The following CSMD1 variants were observed in gnomAD, a reference collection of about 807,000 sequenced individuals.
CSMD1 encodes the protein CUB and sushi domain-containing protein 1.
CSMD1 carries 213 observed loss-of-function variants against 417.5 expected under a neutral mutation model. The ratio of observed to expected loss-of-function variants is 0.51; its 90% confidence interval spans 0.46 to 0.57. The LOEUF (loss-of-function observed/expected upper bound fraction) is 0.57, where lower values mean the gene tolerates loss of function less well. Among genes scored for constraint, CSMD1 ranks in the 20% least tolerant of loss-of-function variants. The probability of loss-of-function intolerance (pLI) is 0.00; values close to 1 mark genes in which losing one functional copy is unlikely to be tolerated. For synonymous variants in CSMD1, 2,862 were observed against 1,736.8 expected (o/e 1.65, Z -16.11); for missense variants, 6,923 against 4,529.7 (o/e 1.53, Z -15.17).
intron 3 of CSMD1, among the ~76,000 whole-genome samples, chr8:4,381,502 G>C (rs557592653): frequency 6.6e-6 from 1 of 152,242 alleles, no homozygotes; most frequent in East Asian, 1.9e-4. Flanking sequence ...CCTATAATTT[G>C]GACAAAACAA....
intron 2 of CSMD1, among the ~76,000 whole-genome samples, chr8:4,522,662 C>G (rs921829010): frequency 6.6e-6 from 1 of 152,094 alleles, no homozygotes; most frequent in Non-Finnish European, 1.5e-5. Flanking sequence ...CTTCTCTGTC[C>G]GCAGCCCGTC....
In CSMD1 at chr8:3,678,595, C is replaced by G. The variant is rs1057192655; in HGVS notation, c.1009+29819G>C. Among the ~76,000 whole-genome samples, 64 of 152,212 alleles carry G rather than the reference C, an allele frequency of 4.2e-4. 1 individual carries two copies. Among genetic ancestry groups the G allele is most frequent in the African/African-American group, 1.5e-3 (62 of 41,540 alleles). ...CTGAGAGTGACGGGGAGAATGGAAA[C>G]AAGTTGGAAAACACTCTGCAGGACA... On this transcript the variant is annotated intron_variant, in intron 7 of 69. Transcript: ENST00000635120.
chr8:4,029,641 T>C (rs72624006), intron 4 of CSMD1, among the ~76,000 whole-genome samples: 22,233 of 152,052 alleles, frequency 0.15, 2,283 homozygotes, highest in East Asian at 0.36. Context: ...AGCCAAACCA[T>C]ATCATTTCGC....
chr8:3,503,288 G>C (rs922325219), intron 10 of CSMD1, among the ~76,000 whole-genome samples: 2 of 152,188 alleles, frequency 1.3e-5, no homozygotes, highest in African/African-American at 2.4e-5. Flanking sequence ...TAAACACTAG[G>C]AGTCTCTTAT....
chr8:4,575,259 G>GATCATT (rs1163907857), intron 2 of CSMD1, among the ~76,000 whole-genome samples: 2 of 152,154 alleles, frequency 1.3e-5, no homozygotes, highest in Non-Finnish European at 2.9e-5. Context: ...AAAAGGTGGA[G>GATCATT]ATCATTCTCA....
At chr8:3,865,462 T>C (rs962761124) in intron 5 of CSMD1, among the ~76,000 whole-genome samples, 5 of 151,920 alleles carry the variant, frequency 3.3e-5, no homozygotes, top group Admixed American at 1.3e-4. Context: ...ACAGGTGCTC[T>C]TCAGAGATGG....
At chr8:3,272,525 A>T (rs1801943417) in intron 26 of CSMD1, among the ~76,000 whole-genome samples, 1 of 140,556 alleles carries the variant, frequency 7.1e-6, no homozygotes, top group Non-Finnish European at 1.6e-5. Flanking sequence ...TTTGGGCAGT[A>T]TGGCCATTTT....
intron 68 of CSMD1, among the ~76,000 whole-genome samples, chr8:2,945,223 T>C (rs584541): frequency 0.84 from 128,110 of 152,242 alleles, 54,060 homozygotes; most frequent in East Asian, 0.93. Context: ...CTTCCAACAA[T>C]GTACTCGTAA....
At chr8:3,617,643 T>C (rs556463785) in intron 7 of CSMD1, among the ~76,000 whole-genome samples, 1 of 152,154 alleles carries the variant, frequency 6.6e-6, no homozygotes, top group Non-Finnish European at 1.5e-5. Context: ...TGTAGAACTA[T>C]TGCTGCCATT....
At chr8:3,992,343 A>T (rs969017904) in intron 5 of CSMD1, among the ~76,000 whole-genome samples, 1 of 152,168 alleles carries the variant, frequency 6.6e-6, no homozygotes, top group African/African-American at 2.4e-5. Flanking sequence ...ACAGTTTTGT[A>T]ATCTTATTTT....
chr8:3,603,119 C>T (rs760890335), intron 8 of CSMD1, among the ~76,000 whole-genome samples: 18 of 152,226 alleles, frequency 1.2e-4, no homozygotes, highest in Admixed American at 7.9e-4. Context: ...GACATAAAGG[C>T]TTCAAGGAGT....
intron 1 of CSMD1, among the ~76,000 whole-genome samples, chr8:4,655,907 G>A (rs532324288): frequency 3.9e-5 from 6 of 152,258 alleles, no homozygotes; most frequent in African/African-American, 1.4e-4. Context: ...ACTGTCAACT[G>A]TGTGGACACT....
At position 4,086,790 on chromosome 8, in the gene CSMD1, T is replaced by C. The variant is rs190810047; in HGVS notation, c.416-54691A>G. Among the ~76,000 whole-genome samples, 28 of 152,348 alleles carry C rather than the reference T, an allele frequency of 1.8e-4. No individual in the cohort carries two copies. In the East Asian group the frequency reaches 3.3e-3, roughly 18 times the overall value. On this transcript the variant is annotated intron_variant, in intron 3 of 69. Transcript: ENST00000635120. ...TCTTTTTCAACTGAGTGAATGAACT[T>C]GTGAAACAAATTTCTTAGTCTGAGA...
At chr8:3,004,369 G>T (rs1047580195) in intron 52 of CSMD1, among the ~76,000 whole-genome samples, 1 of 152,156 alleles carries the variant, frequency 6.6e-6, no homozygotes, top group Non-Finnish European at 1.5e-5. Context: ...TTCTTGAGAA[G>T]TGTGTGTCAG....
At chr8:3,356,080 G>A (rs974186429) in intron 21 of CSMD1, among the ~76,000 whole-genome samples, 1 of 152,202 alleles carries the variant, frequency 6.6e-6, no homozygotes, top group Non-Finnish European at 1.5e-5. Context: ...ATGCTCACTA[G>A]AAATTCCATT....
At chr8:4,343,972 T>A (rs1800633274) in intron 3 of CSMD1, among the ~76,000 whole-genome samples, 1 of 152,146 alleles carries the variant, frequency 6.6e-6, no homozygotes, top group Non-Finnish European at 1.5e-5. Context: ...ATACAATAAA[T>A]TCTAGTAAAG....
Position 3,377,227 on chromosome 8 carries a change from G to A in CSMD1, c.2783-7857C>T, listed in dbSNP as rs193175256. 7.2e-5 allele frequency among the ~76,000 whole-genome samples: 11 copies of A among 152,206 alleles called. No homozygotes were observed. In the East Asian group the frequency reaches 1.7e-3, roughly 24 times the overall value. The stretch of plus-strand genomic sequence containing the variant: ...GGGTTTTACTGTGTTGCCCAGGCTG[G>A]CCTCGAACTCCTGGGCCTCAGCAAT... On this transcript the variant is annotated intron_variant, in intron 18 of 69. Transcript: ENST00000635120.
intron 1 of CSMD1, among the ~76,000 whole-genome samples, chr8:4,707,473 A>T (rs1232701403): frequency 3.9e-5 from 6 of 152,328 alleles, no homozygotes; most frequent in African/African-American, 1.4e-4. Context: ...AAACGCCTGA[A>T]TTTTTAGAGG....
intron 12 of CSMD1, among the ~76,000 whole-genome samples, chr8:3,426,325 C>T (rs1352390830): frequency 6.6e-6 from 1 of 152,116 alleles, no homozygotes; most frequent in Non-Finnish European, 1.5e-5. Context: ...TTATTTTGTT[C>T]CGTAGGTTAC....
Sources: allele counts gnomAD v4.1 joint callset (sites outside exome capture counted in the v4.1 genomes callset), GRCh38; gene constraint gnomAD v4.1.1; transcripts MANE v1.5; gene names NCBI Gene and HGNC (gene_info 2026-07-23, HGNC 2026-07-21).